SLC7A14: variants seen among roughly 807,000 people sequenced by gnomAD.
SLC7A14 encodes solute carrier family 7 member 14, also known as gamma-aminobutyric acid transporter SLC7A14.
In SLC7A14, 37 loss-of-function variants were observed where a neutral mutation model predicts 60.2. The ratio of observed to expected loss-of-function variants is 0.61; its 90% confidence interval spans 0.47 to 0.81. The LOEUF is 0.81. SLC7A14 is among the 30% of genes least tolerant of loss of function. SLC7A14 has a pLI of 0.00. For synonymous variants in SLC7A14, 399 were observed against 395.8 expected (o/e 1.01, Z -0.10); for missense variants, 886 against 982.7 (o/e 0.90, Z 1.32).
At chr3:170,538,948 TG>T (rs1713931080) in intron 1 of SLC7A14, among the ~76,000 whole-genome samples, 1 of 152,268 alleles carries the variant, frequency 6.6e-6, no homozygotes, top group African/African-American at 2.4e-5. Flanking sequence ...TGTTAACCAC[TG>T]GAGCCTCCTC....
chr3:170,526,706 C>T lies in SLC7A14; in HGVS notation c.231G>A (p.Leu77=), dbSNP rs1174436880. ...VGTGMYVVSG[L]VAKEMAGPGV... ...CAGGTCCTGCCATTTCCTTGGCCAC[C>T]AGGCCAGAGACCACATACATGCCAG... Residue 77 remains leucine, a synonymous_variant, in exon 2 of 8, where the codon CTG becomes CTA. Coordinates refer to ENST00000231706, the MANE Select transcript of SLC7A14 (RefSeq NM_020949.3). The T allele has an allele frequency of 1.9e-6, 3 of 1,614,246 alleles. No homozygotes were observed. The highest frequency in any genetic ancestry group is 1.3e-5 in the African/African-American group (1 of 75,070).
At chr3:170,501,443 A>T in intron 2 of SLC7A14, 98 bp from the exon 3 acceptor site, 7 of 967,012 alleles carry the variant, frequency 7.2e-6, no homozygotes, top group Non-Finnish European at 1.1e-5. Context: ...ACTTTCTAGG[A>T]TCTCAGAACA....
intron 4 of SLC7A14, 30 bp downstream of exon 4, chr3:170,498,637 A>G: frequency 1.2e-6 from 2 of 1,605,328 alleles, no homozygotes; most frequent in Non-Finnish European, 1.7e-6. Context: ...AGTGTGTGAC[A>G]GGCACACCAG....
In SLC7A14 at chr3:170,553,778, T is replaced by C. The variant is rs75490085; in HGVS notation, c.-152-26690A>G. The stretch of plus-strand genomic sequence containing the variant: ...GTTTAAGCGACTTGCTTGCCAATAT[T>C]GGAACTAGAGTCAACCATAAACACA... On this transcript the variant is annotated intron_variant, in intron 1 of 7. Transcript: ENST00000231706. Among the ~76,000 whole-genome samples, 974 of 152,222 alleles carry C rather than the reference T, an allele frequency of 6.4e-3. 9 individuals are homozygous for C. Among genetic ancestry groups the C allele is most frequent in the African/African-American group, 0.022 (927 of 41,534 alleles).
Position 170,498,685 on chromosome 3 carries a change from C to A in SLC7A14, c.741G>T (p.Leu247Phe). 6.2e-7 allele frequency: 1 copy of A among 1,614,158 alleles called. No homozygotes were observed. The highest frequency in any genetic ancestry group is 1.1e-5 in the South Asian group (1 of 91,088). The change falls in exon 4 of 8, where the codon TTG (leucine) becomes TTT (phenylalanine). Residue 247 changes from leucine to phenylalanine, a missense_variant. Leu to Phe is a conservative substitution (Grantham distance 22). Transcript: ENST00000231706. ...AACTTACCCCTGACCAGCCGTGGGG[C>A]AAGAACTGGCCCTCCGCCCAGTATT... is the stretch of plus-strand genomic sequence containing the variant. ...NGKYWAEGQFLPHGWSGVLQG... is the reference protein window; with the variant it reads ...NGKYWAEGQFFPHGWSGVLQG...
Position 170,466,955 on chromosome 3 carries a change from G to T in SLC7A14, c.*100C>A. ...TAGGGATTGAATTTGGGGAAGGCTG[G>T]ATTTGTGAAATGAGAGCCAAAAAAG... On this transcript the variant is annotated 3_prime_UTR_variant, in exon 8 of 8. Coordinates refer to ENST00000231706, the MANE Select transcript of SLC7A14 (RefSeq NM_020949.3). 2 of 1,015,844 alleles carry T rather than the reference G, an allele frequency of 2.0e-6. No homozygotes were observed. Among genetic ancestry groups the T allele is most frequent in the Non-Finnish European group, 1.5e-6 (1 of 689,144 alleles). 62.9% of individuals were successfully genotyped at this position (1,015,844 alleles called of 1,614,324 possible). A position where few individuals can be genotyped will look rare whatever the true frequency, so the allele number is the denominator to read the frequency against.
At chr3:170,548,780 C>T (rs1049116674) in intron 1 of SLC7A14, among the ~76,000 whole-genome samples, 2 of 152,228 alleles carry the variant, frequency 1.3e-5, no homozygotes, top group Non-Finnish European at 2.9e-5. Context: ...CTCTGAGCAT[C>T]ACTTCTCATC....
At chr3:170,512,501 G>A (rs778031993) in intron 2 of SLC7A14, among the ~76,000 whole-genome samples, 8 of 151,978 alleles carry the variant, frequency 5.3e-5, no homozygotes, top group Non-Finnish European at 8.8e-5. Context: ...AGATGGATTC[G>A]GTTACAGTGC....
chr3:170,580,608 T>C (rs188018906), intron 1 of SLC7A14, among the ~76,000 whole-genome samples: 1 of 152,278 alleles, frequency 6.6e-6, no homozygotes, highest in African/African-American at 2.4e-5. Flanking sequence ...TCTCAACTAT[T>C]TACCTGGCAG....
At chr3:170,528,425 C>T (rs931748061) in intron 1 of SLC7A14, among the ~76,000 whole-genome samples, 16 of 152,274 alleles carry the variant, frequency 1.1e-4, no homozygotes, top group Middle Eastern at 3.4e-3. Flanking sequence ...TATAGCCAGA[C>T]GTTGATTCCA....
intron 1 of SLC7A14, among the ~76,000 whole-genome samples, chr3:170,543,648 G>GA (rs939660893): frequency 6.8e-6 from 1 of 148,084 alleles, no homozygotes; most frequent in African/African-American, 2.5e-5. Flanking sequence ...CATCTCAAAA[G>GA]AAAAAAAACA....
chr3:170,575,370 G>C, intron 1 of SLC7A14, among the ~76,000 whole-genome samples: 1 of 152,202 alleles, frequency 6.6e-6, no homozygotes, highest in East Asian at 1.9e-4. Flanking sequence ...TTGAAATGAG[G>C]AGGCAGGGGA....
intron 2 of SLC7A14, among the ~76,000 whole-genome samples, chr3:170,509,313 A>G (rs1712891329): frequency 1.3e-5 from 2 of 152,334 alleles, no homozygotes; most frequent in South Asian, 2.1e-4. Flanking sequence ...AGGCAGCATC[A>G]TTAATCAGGG....
intron 1 of SLC7A14, among the ~76,000 whole-genome samples, chr3:170,571,035 A>G (rs1714940733): frequency 6.6e-6 from 1 of 152,088 alleles, no homozygotes. Context: ...CTCACTCAAC[A>G]TTTCCTTAAT....
At chr3:170,539,940 T>A (rs1314683835) in intron 1 of SLC7A14, among the ~76,000 whole-genome samples, 1 of 152,196 alleles carries the variant, frequency 6.6e-6, no homozygotes. Flanking sequence ...CTAGCATCAC[T>A]ACTATTGTAC....
intron 4 of SLC7A14, chr3:170,495,720 C>T: frequency 8.9e-7 from 1 of 1,123,546 alleles, no homozygotes; most frequent in Non-Finnish European, 1.4e-6. Flanking sequence ...GGAGAAGGAG[C>T]AGATCAAGAC....
At chr3:170,580,560 G>A (rs1385114148) in intron 1 of SLC7A14, among the ~76,000 whole-genome samples, 1 of 152,170 alleles carries the variant, frequency 6.6e-6, no homozygotes, top group Non-Finnish European at 1.5e-5. Flanking sequence ...AAGGCTTGAG[G>A]ACAGCAGGCT....
At chr3:170,468,131 C>T (rs1479481960) in intron 7 of SLC7A14, among the ~76,000 whole-genome samples, 7 of 152,160 alleles carry the variant, frequency 4.6e-5, no homozygotes, top group African/African-American at 1.7e-4. Flanking sequence ...GTGAGAACTC[C>T]TGATAAGCGT....
intron 4 of SLC7A14, chr3:170,496,280 G>T: frequency 1.0e-6 from 1 of 973,420 alleles, no homozygotes; most frequent in Non-Finnish European, 1.7e-6. Flanking sequence ...GCATGTACCA[G>T]ATCAAGTATG....
Sources: allele counts gnomAD v4.1 joint callset (sites outside exome capture counted in the v4.1 genomes callset), GRCh38; gene constraint gnomAD v4.1.1; transcripts MANE v1.5; gene names NCBI Gene and HGNC (gene_info 2026-07-23, HGNC 2026-07-21).